Variants in CEP57L1 observed in about 807,000 individuals in gnomAD.
CEP57L1 encodes centrosomal protein CEP57L1.
CEP57L1 carries 37 observed loss-of-function variants against 61.0 expected under a neutral mutation model. The ratio of observed to expected loss-of-function variants is 0.61; its 90% CI spans 0.47 to 0.80. The LOEUF (loss-of-function observed/expected upper bound fraction) is 0.80, where lower values mean the gene tolerates loss of function less well. Ranked by LOEUF, CEP57L1 falls within the 30% of genes least tolerant of loss-of-function variation. CEP57L1 has a pLI of 0.00. For missense variants in CEP57L1, 422 were observed against 524.7 expected, an observed-to-expected ratio of 0.80 and a Z score of 1.91; for synonymous variants, 137 against 162.3, an observed-to-expected ratio of 0.84 and a Z score of 1.19.
intron 4 of CEP57L1, among the ~76,000 whole-genome samples, chr6:109,153,025 C>T (rs567107224): frequency 6.0e-5 from 9 of 151,054 alleles, no homozygotes; most frequent in Middle Eastern, 3.4e-3. Flanking sequence ...GAGGGAGAAT[C>T]GCATGAACCC....
At chr6:109,157,118 G>A (rs1056443805) in intron 7 of CEP57L1, 1 of 152,132 alleles carries the variant, frequency 6.6e-6, no homozygotes, top group Non-Finnish European at 1.5e-5. Flanking sequence ...ATGAAGGAAA[G>A]AAAAGGTAAC....
At chr6:109,101,792 T>C (rs180921266) in intron 1 of CEP57L1, among the ~76,000 whole-genome samples, 1 of 152,170 alleles carries the variant, frequency 6.6e-6, no homozygotes, top group African/African-American at 2.4e-5. Context: ...GCTAATGTTT[T>C]GTATTTTTAG....
intron 1 of CEP57L1, among the ~76,000 whole-genome samples, chr6:109,138,480 A>T (rs182213106): frequency 1.4e-4 from 21 of 152,334 alleles, no homozygotes; most frequent in African/African-American, 5.1e-4. Context: ...GATGACATTT[A>T]TAATAATTTT....
rs562140110 is a variant in CEP57L1, at chr6:109,171,700, C to T, written c.*8730C>T. Among the ~76,000 whole-genome samples, 2 of 152,262 alleles carry T rather than the reference C, an allele frequency of 1.3e-5. No homozygotes were observed. Among genetic ancestry groups the T allele is most frequent in the East Asian group, 3.9e-4 (2 of 5,182 alleles). ...GGAGTACAAGCTTTAGGAGGACAGG[C>T]TTATCAAATTAAAAAATGAAAAAAC... On this transcript the variant is annotated 3_prime_UTR_variant, in exon 11 of 11. Transcript: ENST00000517392.
intron 1 of CEP57L1, among the ~76,000 whole-genome samples, chr6:109,113,366 A>G (rs1156624692): frequency 6.6e-6 from 1 of 152,016 alleles, no homozygotes; most frequent in African/African-American, 2.4e-5. Context: ...CGTTTACCTC[A>G]TTTTATTGAG....
At position 109,159,089 on chromosome 6, in the gene CEP57L1, T is replaced by C. The variant is rs745535666; in HGVS notation, c.809T>C (p.Phe270Ser). Residue 270 changes from phenylalanine to serine, a missense_variant, in exon 8 of 11, where the codon TTT becomes TCT. Coordinates refer to ENST00000517392, the MANE Select transcript of CEP57L1 (RefSeq NM_001271852.3). ...QICSKFGALP[F>S]VAEKMRQHRD... ...TGTTCAAAGTTTGGAGCACTGCCTT[T>C]TGTGGCTGAAAAGGTGAGAGGGGAT... 3.1e-6 allele frequency: 5 copies of C among 1,614,050 alleles called. No individual in the cohort carries two copies. The East Asian group carries it at 6.7e-5, about 22-fold the overall frequency.
chr6:109,121,276 T>C (rs1441084174), intron 1 of CEP57L1, among the ~76,000 whole-genome samples: 1 of 152,242 alleles, frequency 6.6e-6, no homozygotes, highest in Admixed American at 6.5e-5. Flanking sequence ...TTGGATGATG[T>C]GCTTGCTGTA....
At chr6:109,138,525 C>G (rs1770990326) in intron 1 of CEP57L1, among the ~76,000 whole-genome samples, 1 of 151,986 alleles carries the variant, frequency 6.6e-6, no homozygotes, top group East Asian at 1.9e-4. Context: ...AGTAGAGATT[C>G]CTATAATAAT....
intron 1 of CEP57L1, among the ~76,000 whole-genome samples, chr6:109,128,885 T>C (rs1490542250): frequency 6.6e-6 from 1 of 152,190 alleles, no homozygotes; most frequent in African/African-American, 2.4e-5. Flanking sequence ...ATAGCTTATA[T>C]GTAAGAGTGG....
Position 109,128,715 on chromosome 6 carries a change from A to G in CEP57L1, c.-3-16504A>G, listed in dbSNP as rs77726239. 8.3e-3 allele frequency among the ~76,000 whole-genome samples: 1,263 copies of G among 152,290 alleles called. 23 individuals carry two copies. Among genetic ancestry groups the G allele is most frequent in the African/African-American group, 0.029 (1,210 of 41,540 alleles). On this transcript the variant is annotated intron_variant, in intron 1 of 10. Transcript: ENST00000517392. The stretch of plus-strand genomic sequence containing the variant: ...TTTTTACTGCCAACATTTATTCACT[A>G]TACTCCAAACAAATTCACTAGGATC...
At chr6:109,096,147 ATTAGTTTGCT>A (rs929548286) in intron 1 of CEP57L1, among the ~76,000 whole-genome samples, 26 of 152,336 alleles carry the variant, frequency 1.7e-4, no homozygotes, top group African/African-American at 6.3e-4. Flanking sequence ...TTTGCTTAAA[ATTAGTTTGCT>A]TTTAAAAAGT....
At chr6:109,142,214 A>G (rs573437331) in intron 1 of CEP57L1, among the ~76,000 whole-genome samples, 121 of 152,330 alleles carry the variant, frequency 7.9e-4, no homozygotes, top group African/African-American at 2.6e-3. Context: ...ACCAACCCAA[A>G]TGCCCATCAA....
rs1270689041 is a variant in CEP57L1, at chr6:109,173,250, T to C, written c.*10280T>C. On this transcript the variant is annotated 3_prime_UTR_variant, in exon 11 of 11. Coordinates refer to ENST00000517392, the MANE Select transcript of CEP57L1 (RefSeq NM_001271852.3). Reference sequence around the variant, plus strand: ...CTGACACTGTATTACTTACAAGTTATATTAATAATTTTTATTAATTTTTTT... The same window carrying C: ...CTGACACTGTATTACTTACAAGTTACATTAATAATTTTTATTAATTTTTTT... 6.6e-6 allele frequency among the ~76,000 whole-genome samples: 1 copy of C among 152,154 alleles called. No homozygotes were observed. The highest frequency in any genetic ancestry group is 1.5e-5 in the Non-Finnish European group (1 of 68,026).
chr6:109,155,651 A>T (rs1773143812), intron 6 of CEP57L1, 140 bp from the exon 7 acceptor site: 1 of 599,312 alleles, frequency 1.7e-6, no homozygotes, highest in African/African-American at 1.9e-5. Context: ...CTTCACATGT[A>T]CAAAAACGGT....
rs1255214949 is a variant in CEP57L1, at chr6:109,149,596, A to G, written c.341-522A>G. Among the ~76,000 whole-genome samples, 774 of 152,142 alleles carry G rather than the reference A, an allele frequency of 5.1e-3. 6 individuals are homozygous for G. Among genetic ancestry groups the G allele is most frequent in the African/African-American group, 0.017 (718 of 41,508 alleles). ...CTTTTGGCTTAGGATTGACTTGGCAATGCGGGCTCTTTTTTGGTTCCATAT... is the reference window on the plus strand; with the variant it reads ...CTTTTGGCTTAGGATTGACTTGGCAGTGCGGGCTCTTTTTTGGTTCCATAT... On this transcript the variant is annotated intron_variant, in intron 3 of 10. Coordinates refer to ENST00000517392, the MANE Select transcript of CEP57L1 (RefSeq NM_001271852.3).
chr6:109,148,360 C>T (rs1206149878), intron 3 of CEP57L1, among the ~76,000 whole-genome samples: 1 of 151,490 alleles, frequency 6.6e-6, no homozygotes, highest in Non-Finnish European at 1.5e-5. Flanking sequence ...TGAGTGAGAA[C>T]ATGCGGTGTT....
intron 1 of CEP57L1, among the ~76,000 whole-genome samples, chr6:109,131,543 A>G (rs1226537105): frequency 1.3e-5 from 2 of 151,882 alleles, no homozygotes; most frequent in African/African-American, 4.8e-5. Context: ...TGCAACTAAA[A>G]CTGGTTTGTC....
chr6:109,133,597 A>G (rs1226763367), intron 1 of CEP57L1, among the ~76,000 whole-genome samples: 1 of 152,060 alleles, frequency 6.6e-6, no homozygotes, highest in African/African-American at 2.4e-5. Context: ...GACACAAAAA[A>G]ACCCTTCAAA....
At chr6:109,099,068 T>C (rs183711613) in intron 1 of CEP57L1, among the ~76,000 whole-genome samples, 68 of 152,178 alleles carry the variant, frequency 4.5e-4, no homozygotes, top group African/African-American at 1.6e-3. Context: ...AGAGGAAAGG[T>C]TGGTATTTTA....
Sources: gnomAD v4.1 joint callset for allele counts (sites outside exome capture counted in the v4.1 genomes callset) on GRCh38, gnomAD v4.1.1 for gene constraint, MANE v1.5 for transcripts, NCBI Gene and HGNC (gene_info 2026-07-23, HGNC 2026-07-21) for gene names.